Variants in FRMD4A observed in about 807,000 individuals in gnomAD.
The protein encoded by FRMD4A is FERM domain containing 4A, also known as FERM domain-containing protein 4A.
A neutral mutation model predicts 129.1 loss-of-function variants in FRMD4A; 29 were observed. The ratio of observed to expected loss-of-function variants is 0.22; its 90% CI spans 0.17 to 0.31. The LOEUF is 0.31. Ranked by LOEUF, FRMD4A falls within the 10% of genes least tolerant of loss-of-function variation. The pLI, the probability that FRMD4A is intolerant of heterozygous loss-of-function variation, is 1.00. For missense variants in FRMD4A, 1,272 were observed against 1,375.8 expected (o/e 0.92, Z 1.19); for synonymous variants, 634 against 571.6 (o/e 1.11, Z -1.56).
chr10:13,698,102 G>GGGAGGGAA (rs2086408729), intron 14 of FRMD4A, among the ~76,000 whole-genome samples: 1 of 151,916 alleles, frequency 6.6e-6, no homozygotes, highest in East Asian at 1.9e-4. Context: ...GAGGGAGGGA[G>GGGAGGGAA]AGACAGGCAG....
At chr10:13,714,882 AC>A (rs2088623013) in intron 12 of FRMD4A, among the ~76,000 whole-genome samples, 2 of 151,660 alleles carry the variant, frequency 1.3e-5, no homozygotes, top group Admixed American at 6.6e-5. Flanking sequence ...TACTAAAAAT[AC>A]AAAAAATTAG....
At chr10:13,938,087 T>A (rs898900665) in intron 2 of FRMD4A, among the ~76,000 whole-genome samples, 2 of 152,230 alleles carry the variant, frequency 1.3e-5, no homozygotes, top group African/African-American at 4.8e-5. Flanking sequence ...TATTTGCCCC[T>A]AAACCACCAC....
In FRMD4A at chr10:14,268,100, A is replaced by T. The variant is rs538603203; in HGVS notation, c.45+61958T>A. Among the ~76,000 whole-genome samples, 8 of 152,292 alleles carry T rather than the reference A, an allele frequency of 5.3e-5. No homozygotes were observed. The South Asian group carries it at 1.5e-3, about 28-fold the overall frequency. ...TCTGGAACATGATCAAAAGAGTGTC[A>T]TTATTGCCATTATTATTACTTAAAT... On this transcript the variant is annotated intron_variant, in intron 2 of 24. Transcript: ENST00000357447.
At chr10:14,316,524 A>AAAAAAAAG (rs556192567) in intron 2 of FRMD4A, among the ~76,000 whole-genome samples, 202 of 132,328 alleles carry the variant, frequency 1.5e-3, no homozygotes, top group Non-Finnish European at 2.5e-3. Context: ...AAAAAAAAAA[A>AAAAAAAAG]AAGAAGAAGA....
chr10:13,972,349 C>T, intron 2 of FRMD4A: 1 of 984,322 alleles, frequency 1.0e-6, no homozygotes, highest in Non-Finnish European at 1.2e-6. Flanking sequence ...AAGTCCCATT[C>T]TGTAGCAGCA....
chr10:14,038,044 C>T (rs538417899), intron 2 of FRMD4A, among the ~76,000 whole-genome samples: 2 of 152,296 alleles, frequency 1.3e-5, no homozygotes, highest in African/African-American at 2.4e-5. Flanking sequence ...AATTTAAGGC[C>T]GGTCGCGGTG....
intron 3 of FRMD4A, among the ~76,000 whole-genome samples, chr10:13,816,800 A>G (rs2093551382): frequency 6.6e-6 from 1 of 152,194 alleles, no homozygotes; most frequent in East Asian, 1.9e-4. Context: ...AAGGCCAGAA[A>G]GGCAGCTAGT....
intron 2 of FRMD4A, among the ~76,000 whole-genome samples, chr10:14,085,074 A>G (rs1836182336): frequency 6.6e-6 from 1 of 152,190 alleles, no homozygotes; most frequent in Admixed American, 6.5e-5. Context: ...GAAAACCACA[A>G]TACATTCTTC....
intron 2 of FRMD4A, among the ~76,000 whole-genome samples, chr10:14,089,259 G>T (rs972067256): frequency 1.3e-5 from 2 of 152,176 alleles, no homozygotes; most frequent in Non-Finnish European, 2.9e-5. Flanking sequence ...TTGAGTTTCC[G>T]TGGGGAGAGA....
chr10:14,109,700 G>A (rs1837780112), intron 2 of FRMD4A, among the ~76,000 whole-genome samples: 2 of 152,052 alleles, frequency 1.3e-5, no homozygotes, highest in East Asian at 1.9e-4. Context: ...GACCAGGTTC[G>A]GTGGCTCACG....
intron 6 of FRMD4A, among the ~76,000 whole-genome samples, chr10:13,777,206 A>G (rs2092616004): frequency 6.6e-6 from 1 of 152,220 alleles, no homozygotes; most frequent in South Asian, 2.1e-4. Context: ...CAGGTTACAC[A>G]GGCTATCCAG....
chr10:14,053,627 T>A (rs377743210), intron 2 of FRMD4A, among the ~76,000 whole-genome samples: 2 of 152,304 alleles, frequency 1.3e-5, no homozygotes, highest in East Asian at 3.9e-4. Flanking sequence ...TAGTTATTAA[T>A]TTTTCACCCC....
rs2085977140 is a variant in FRMD4A, at chr10:13,693,988, C to T, written c.1027G>A (p.Glu343Lys). 6 of 1,549,936 alleles carry T rather than the reference C, an allele frequency of 3.9e-6. No homozygotes were observed. Among genetic ancestry groups the T allele is most frequent in the South Asian group, 2.5e-5 (2 of 78,942 alleles). ...SLSEIAIDLT[E>K]TGTLKTSKLA... ...TTCGAGGTCTTCAGCGTCCCCGTCT[C>T]GGTCAGGTCGATGGCGATCTCACTC... The change falls in exon 15 of 25, where the codon GAG (glutamate) becomes AAG (lysine). Residue 343 changes from glutamate to lysine, a missense_variant. Glu to Lys is a moderately conservative substitution (Grantham distance 56). Transcript: ENST00000357447.
chr10:13,704,680 C>A (rs2087230662), intron 13 of FRMD4A, among the ~76,000 whole-genome samples: 1 of 152,152 alleles, frequency 6.6e-6, no homozygotes, highest in Non-Finnish European at 1.5e-5. Context: ...AGCTCTGGAG[C>A]CAGACCTCCT....
chr10:13,982,785 A>C, intron 2 of FRMD4A, among the ~76,000 whole-genome samples: 1 of 152,192 alleles, frequency 6.6e-6, no homozygotes, highest in Non-Finnish European at 1.5e-5. Context: ...TGTCGCATAA[A>C]AGTATGATCA....
At chr10:14,182,310 C>A (rs1841939423) in intron 2 of FRMD4A, among the ~76,000 whole-genome samples, 1 of 152,144 alleles carries the variant, frequency 6.6e-6, no homozygotes, top group South Asian at 2.1e-4. Flanking sequence ...GAGGCTCAGG[C>A]AATGAAATTG....
intron 6 of FRMD4A, among the ~76,000 whole-genome samples, chr10:13,772,799 G>A (rs1046574449): frequency 1.3e-5 from 2 of 152,176 alleles, no homozygotes; most frequent in Non-Finnish European, 2.9e-5. Flanking sequence ...GGTTACCAGA[G>A]GTTGGAAAGG....
chr10:14,207,719 C>G (rs958612108), intron 2 of FRMD4A, among the ~76,000 whole-genome samples: 2 of 150,908 alleles, frequency 1.3e-5, no homozygotes, highest in African/African-American at 4.9e-5. Flanking sequence ...CACACACACA[C>G]GGAGGGAAGG....
At chr10:14,204,975 C>T (rs1842738201) in intron 2 of FRMD4A, among the ~76,000 whole-genome samples, 3 of 152,054 alleles carry the variant, frequency 2.0e-5, no homozygotes, top group Non-Finnish European at 4.4e-5. Context: ...ATTTCAAAGT[C>T]GCTGCTGTTG....
Sources: allele counts gnomAD v4.1 joint callset (sites outside exome capture counted in the v4.1 genomes callset), GRCh38; gene constraint gnomAD v4.1.1; transcripts MANE v1.5; gene names NCBI Gene and HGNC (gene_info 2026-07-23, HGNC 2026-07-21).